Variants in RSRC1 observed in about 807,000 individuals in gnomAD.
RSRC1 encodes the protein arginine and serine rich coiled-coil 1, also known as serine/Arginine-related protein 53.
RSRC1 carries 39 observed loss-of-function variants against 49.1 expected under a neutral mutation model. That is an observed-to-expected ratio of 0.79 (90% CI 0.61 to 1.04). RSRC1 has a LOEUF of 1.04. RSRC1 is among the 50% of genes least tolerant of loss of function. The pLI, the probability that RSRC1 is intolerant of heterozygous loss-of-function variation, is 0.00. For synonymous variants in RSRC1, 143 were observed against 130.8 expected (o/e 1.09, Z -0.63); for missense variants, 388 against 402.4 (o/e 0.96, Z 0.31).
intron 5 of RSRC1, among the ~76,000 whole-genome samples, chr3:158,344,148 A>G (rs1458177066): frequency 1.3e-5 from 2 of 152,156 alleles, no homozygotes; most frequent in Non-Finnish European, 2.9e-5. Context: ...AATCCTAGCT[A>G]CTTGGAAGGC....
chr3:158,491,062 T>TTATAGA (rs1739065336), intron 7 of RSRC1, among the ~76,000 whole-genome samples: 1 of 152,232 alleles, frequency 6.6e-6, no homozygotes, highest in African/African-American at 2.4e-5. Flanking sequence ...CTTTTGCTTT[T>TTATAGA]CAATAATTGT....
In RSRC1 at chr3:158,388,611, TG is replaced by T. The variant is rs1733090736; in HGVS notation, c.583+33704del. Among the ~76,000 whole-genome samples, 3 of 88,516 alleles carry T rather than the reference TG, an allele frequency of 3.4e-5. No individual in the cohort carries two copies. In the South Asian group the frequency reaches 1.4e-3, roughly 41 times the overall value. The allele number at this position is 88,516 out of a possible 152,430, so 58.1% of individuals were successfully genotyped here. ...GGGGAGCCAAATTAGCCGTGTTTTT[TG>T]TTTTTTTTTTTTTTTTGAGACTGAG... On this transcript the variant is annotated intron_variant, in intron 6 of 9. Coordinates refer to ENST00000611884, the MANE Select transcript of RSRC1 (RefSeq NM_001271838.2).
chr3:158,260,145 G>GAAT (rs35557053), intron 4 of RSRC1, among the ~76,000 whole-genome samples: 7 of 151,646 alleles, frequency 4.6e-5, no homozygotes, highest in Non-Finnish European at 4.4e-5. Flanking sequence ...TTCTGAAGGA[G>GAAT]GAGTCTCTTC....
intron 6 of RSRC1, among the ~76,000 whole-genome samples, chr3:158,445,279 A>G (rs984691150): frequency 2.0e-5 from 3 of 152,186 alleles, no homozygotes; most frequent in Non-Finnish European, 4.4e-5. Flanking sequence ...GATAGACTGG[A>G]TTAAGACAAT....
At chr3:158,210,588 C>T (rs1434519618) in intron 4 of RSRC1, among the ~76,000 whole-genome samples, 1 of 151,512 alleles carries the variant, frequency 6.6e-6, no homozygotes, top group Non-Finnish European at 1.5e-5. Flanking sequence ...TTACAGTTTC[C>T]TCATAAACCA....
At chr3:158,349,461 T>TG (rs1057035555) in intron 5 of RSRC1, among the ~76,000 whole-genome samples, 1 of 152,102 alleles carries the variant, frequency 6.6e-6, no homozygotes, top group African/African-American at 2.4e-5. Context: ...GGCTTACAAA[T>TG]GGAGTTAAGT....
At chr3:158,148,074 T>A (rs1300360661) in intron 3 of RSRC1, among the ~76,000 whole-genome samples, 2 of 152,228 alleles carry the variant, frequency 1.3e-5, no homozygotes, top group Non-Finnish European at 2.9e-5. Context: ...TTTGAGATAT[T>A]GTTACTATTA....
At chr3:158,378,323 C>T (rs776500595) in intron 6 of RSRC1, among the ~76,000 whole-genome samples, 1 of 152,176 alleles carries the variant, frequency 6.6e-6, no homozygotes, top group African/African-American at 2.4e-5. Context: ...TTAATTTCAA[C>T]ATCTGAGTTC....
chr3:158,226,996 A>G (rs1250453102), intron 4 of RSRC1, among the ~76,000 whole-genome samples: 4 of 151,836 alleles, frequency 2.6e-5, no homozygotes, highest in African/African-American at 9.7e-5. Context: ...TTAAATGTAA[A>G]TTAATTTAAT....
intron 5 of RSRC1, among the ~76,000 whole-genome samples, chr3:158,337,463 C>T (rs1459678796): frequency 6.6e-6 from 1 of 152,186 alleles, no homozygotes; most frequent in East Asian, 1.9e-4. Context: ...ATGGCCCTTG[C>T]TTCTTAATGC....
chr3:158,246,178 A>G (rs987123365), intron 4 of RSRC1, among the ~76,000 whole-genome samples: 10 of 148,908 alleles, frequency 6.7e-5, no homozygotes, highest in African/African-American at 2.4e-4. Context: ...GCTCTCACTC[A>G]TAGGTGGGAA....
chr3:158,368,481 C>G (rs1187850411), intron 6 of RSRC1, among the ~76,000 whole-genome samples: 1 of 152,202 alleles, frequency 6.6e-6, no homozygotes, highest in African/African-American at 2.4e-5. Flanking sequence ...TCCTTATGCC[C>G]TGCGGGCTGA....
intron 5 of RSRC1, among the ~76,000 whole-genome samples, chr3:158,351,496 C>T (rs559511025): frequency 1.5e-4 from 23 of 152,302 alleles, no homozygotes; most frequent in African/African-American, 5.3e-4. Context: ...AGTTGGAGTT[C>T]GTCCCTGTAT....
At chr3:158,201,194 A>T (rs1721028684) in intron 3 of RSRC1, among the ~76,000 whole-genome samples, 1 of 151,952 alleles carries the variant, frequency 6.6e-6, no homozygotes, top group Non-Finnish European at 1.5e-5. Flanking sequence ...TCTGATTTCC[A>T]TTATTTTTGA....
chr3:158,352,494 C>T (rs1267136137), intron 5 of RSRC1, among the ~76,000 whole-genome samples: 2 of 151,788 alleles, frequency 1.3e-5, no homozygotes, highest in African/African-American at 4.8e-5. Context: ...AAAATCTTTC[C>T]TTATGAAATA....
At chr3:158,540,719 C>A (rs997612506) in intron 8 of RSRC1, among the ~76,000 whole-genome samples, 16 of 152,110 alleles carry the variant, frequency 1.1e-4, no homozygotes, top group Non-Finnish European at 2.4e-4. Context: ...GTTGTTCTTC[C>A]TGATTTTCCT....
chr3:158,324,966 A>G (rs922037376), intron 5 of RSRC1, among the ~76,000 whole-genome samples: 5 of 152,102 alleles, frequency 3.3e-5, no homozygotes, highest in South Asian at 2.1e-4. Context: ...TTTGATTTGC[A>G]TTTCTCTGAT....
At chr3:158,165,226 A>G (rs185476727) in intron 3 of RSRC1, among the ~76,000 whole-genome samples, 108 of 152,350 alleles carry the variant, frequency 7.1e-4, no homozygotes, top group South Asian at 3.1e-3. Context: ...TTTTCCTGCA[A>G]TTAATGGAGG....
chr3:158,422,296 A>G (rs12486917), intron 6 of RSRC1, among the ~76,000 whole-genome samples: 16,562 of 142,604 alleles, frequency 0.12, 1,060 homozygotes, highest in Middle Eastern at 0.18. Flanking sequence ...TCATTGTTCA[A>G]TTCCCACCTA....
Sources: allele counts gnomAD v4.1 joint callset (sites outside exome capture counted in the v4.1 genomes callset), GRCh38; gene constraint gnomAD v4.1.1; transcripts MANE v1.5; gene names NCBI Gene and HGNC (gene_info 2026-07-23, HGNC 2026-07-21).